The following TEX11 variants were observed in gnomAD, a reference collection of about 807,000 sequenced individuals.
TEX11 encodes the protein testis expressed 11, also known as testis-expressed protein 11.
In TEX11, 7 loss-of-function variants were observed where a neutral mutation model predicts 84.4. The ratio of observed to expected loss-of-function variants is 0.08; its 90% confidence interval spans 0.05 to 0.16. The LOEUF (loss-of-function observed/expected upper bound fraction) is 0.16, where lower values mean the gene tolerates loss of function less well. Among genes scored for constraint, TEX11 ranks in the 10% least tolerant of loss-of-function variants. TEX11 has a pLI of 1.00. For missense variants in TEX11, 551 were observed against 660.5 expected (o/e 0.83, Z 1.82); for synonymous variants, 264 against 222.8 (o/e 1.18, Z -1.64).
At chrX:70,802,450 A>AGT (rs1204014635) in intron 9 of TEX11, among the ~76,000 whole-genome samples, 1 of 111,648 alleles carries the variant, frequency 9.0e-6, no homozygotes, top group Non-Finnish European at 1.9e-5. Context: ...ATCATTTCAC[A>AGT]GTGTATATAT....
intron 25 of TEX11, among the ~76,000 whole-genome samples, chrX:70,560,910 T>G (rs1346004423): frequency 1.2e-3 from 74 of 64,213 alleles, no homozygotes; most frequent in Non-Finnish European, 2.0e-3. Flanking sequence ...TTTTTTTTTT[T>G]TTTTTTTTTT....
chrX:70,713,427 T>C (rs777182359), intron 13 of TEX11, among the ~76,000 whole-genome samples: 1 of 111,791 alleles, frequency 8.9e-6, no homozygotes, highest in African/African-American at 3.2e-5. Flanking sequence ...GTCCTGGACT[T>C]TTTTTGGTTG....
In TEX11 at chrX:70,596,179, C is replaced by T. The variant is rs191542031; in HGVS notation, c.2068-4356G>A. On this transcript the variant is annotated intron_variant, in intron 24 of 29. Coordinates refer to ENST00000374333, the MANE Select transcript of TEX11 (RefSeq NM_031276.3). ...TTGAAGAAAGAAATAGATACTTCAA[C>T]TTTTATTAGTTGGAGACTTCAATAG... 5.7e-3 allele frequency among the ~76,000 whole-genome samples: 639 copies of T among 111,522 alleles called. 9 individuals are homozygous for T. Among genetic ancestry groups the T allele is most frequent in the African/African-American group, 0.02 (601 of 30,801 alleles).
chrX:70,627,217 G>A (rs1027052886), intron 18 of TEX11, among the ~76,000 whole-genome samples: 1 of 112,229 alleles, frequency 8.9e-6, no homozygotes, highest in African/African-American at 3.2e-5. Flanking sequence ...CTTTAGAGGA[G>A]TTTAACTACA....
the TEX11 span, among the ~76,000 whole-genome samples, chrX:70,517,482 T>A: frequency 7.2e-5 from 8 of 111,284 alleles, no homozygotes; most frequent in Admixed American, 1.9e-4. Flanking sequence ...CAACTTGATC[T>A]TGGTGGATAA....
At chrX:70,897,852 T>G (rs1602222181) in intron 2 of TEX11, among the ~76,000 whole-genome samples, 1 of 111,667 alleles carries the variant, frequency 9.0e-6, no homozygotes, top group Middle Eastern at 4.6e-3. Flanking sequence ...CATGCATCAA[T>G]GAACCAACTT....
chrX:70,596,536 T>C (rs1396484780), intron 24 of TEX11, among the ~76,000 whole-genome samples: 2 of 110,815 alleles, frequency 1.8e-5, no homozygotes, highest in Admixed American at 1.9e-4. Flanking sequence ...TCCTAAATAA[T>C]AAATGGGTCA....
intron 20 of TEX11, among the ~76,000 whole-genome samples, chrX:70,621,017 C>G (rs1390278198): frequency 9.0e-6 from 1 of 110,972 alleles, no homozygotes; most frequent in Non-Finnish European, 1.9e-5. Context: ...TTTGTCCAAA[C>G]CCATAGAATG....
intron 28 of TEX11, among the ~76,000 whole-genome samples, chrX:70,546,563 A>G (rs1375944986): frequency 8.9e-6 from 1 of 111,891 alleles, no homozygotes; most frequent in Non-Finnish European, 1.9e-5. Context: ...CCATTTTAAA[A>G]ATGGGAAAAT....
At chrX:70,691,362 C>T (rs1481298488) in intron 13 of TEX11, among the ~76,000 whole-genome samples, 1 of 111,969 alleles carries the variant, frequency 8.9e-6, no homozygotes, top group Non-Finnish European at 1.9e-5. Flanking sequence ...GATATTTGTG[C>T]ACTCATATTC....
intron 9 of TEX11, among the ~76,000 whole-genome samples, chrX:70,766,338 G>A (rs1178708704): frequency 9.1e-6 from 1 of 110,034 alleles, no homozygotes; most frequent in South Asian, 4.0e-4. Flanking sequence ...CTTGAACCCA[G>A]GTGGTAGAAG....
chrX:70,739,617 G>C (rs1435692920), intron 11 of TEX11, among the ~76,000 whole-genome samples: 1 of 110,047 alleles, frequency 9.1e-6, no homozygotes, highest in Non-Finnish European at 1.9e-5. Context: ...TCACCATGTT[G>C]ACCAGGATGG....
At chrX:70,844,585 C>T (rs191855823) in intron 7 of TEX11, among the ~76,000 whole-genome samples, 31 of 109,662 alleles carry the variant, frequency 2.8e-4, no homozygotes, top group African/African-American at 9.3e-4. Context: ...ACGTTGTGCA[C>T]ATGTACCCTA....
chrX:70,532,271 T>C (rs1040996524), intron 28 of TEX11, among the ~76,000 whole-genome samples: 2 of 112,097 alleles, frequency 1.8e-5, no homozygotes, highest in African/African-American at 6.5e-5. Flanking sequence ...TTAAGGGTTT[T>C]TGCATTACAG....
At chrX:70,893,867 GATA>G (rs1219922699) in intron 2 of TEX11, among the ~76,000 whole-genome samples, 2 of 110,852 alleles carry the variant, frequency 1.8e-5, no homozygotes, top group African/African-American at 6.6e-5. Flanking sequence ...GAATCAAATA[GATA>G]ATAAAAAATT....
At chrX:70,904,162 T>C (rs2091817857) in intron 2 of TEX11, among the ~76,000 whole-genome samples, 1 of 109,961 alleles carries the variant, frequency 9.1e-6, no homozygotes. Context: ...CAAAAAAGAC[T>C]GGTGTTATGT....
Position 70,661,086 on chromosome X carries a change from C to G in TEX11, c.1380+9291G>C, listed in dbSNP as rs149432388. Among the ~76,000 whole-genome samples, 890 of 112,081 alleles carry G rather than the reference C, an allele frequency of 7.9e-3. 9 individuals are homozygous for G. Among genetic ancestry groups the G allele is most frequent in the African/African-American group, 0.027 (845 of 30,845 alleles). On this transcript the variant is annotated intron_variant, in intron 16 of 29. Coordinates refer to ENST00000374333, the MANE Select transcript of TEX11 (RefSeq NM_031276.3). The stretch of plus-strand genomic sequence containing the variant: ...TGAAGCAGGGCGAGGCATTGCCTCA[C>G]CCGGGAAGTGCAAGGGGGTCAGGGA...
rs1569442897 is a variant in TEX11 at position 70,792,343 on chromosome X, T to A, written c.692+14362A>T. Among the ~76,000 whole-genome samples the A allele has an allele frequency of 3.7e-4, 4 of 10,691 alleles. 1 individual carries two copies. The highest frequency in any genetic ancestry group is 1.6e-3 in the African/African-American group (3 of 1,907). The allele number at this position is 10,691 out of a possible 115,157, so 9.3% of individuals were successfully genotyped here. On this transcript the variant is annotated intron_variant, in intron 9 of 29. Coordinates refer to ENST00000374333, the MANE Select transcript of TEX11 (RefSeq NM_031276.3). ...ATATATATATATATATATATATATA[T>A]ATATATATATATATACACACACAAA...
chrX:70,542,139 G>C (rs1023922854), intron 28 of TEX11, among the ~76,000 whole-genome samples: 2 of 111,301 alleles, frequency 1.8e-5, no homozygotes, highest in Non-Finnish European at 3.8e-5. Context: ...TAACCTCCAA[G>C]GTGATGATAT....
Sources: allele counts gnomAD v4.1 joint callset (sites outside exome capture counted in the v4.1 genomes callset), GRCh38; gene constraint gnomAD v4.1.1; transcripts MANE v1.5; gene names NCBI Gene and HGNC (gene_info 2026-07-23, HGNC 2026-07-21).